FNDC4: variants seen among roughly 807,000 people sequenced by gnomAD.
FNDC4 encodes fibronectin type III domain-containing protein 4.
FNDC4 carries 11 observed loss-of-function variants against 25.1 expected under a neutral mutation model. The observed-to-expected ratio is 0.44, with a 90% CI of 0.28 to 0.73. FNDC4 has a LOEUF of 0.73. Among genes scored for constraint, FNDC4 ranks in the 30% least tolerant of loss-of-function variants. FNDC4 has a pLI of 0.16. For synonymous variants in FNDC4, 136 were observed against 118.8 expected, an observed-to-expected ratio of 1.14 and a Z score of -0.94; for missense variants, 250 against 304.3, an observed-to-expected ratio of 0.82 and a Z score of 1.33.
rs1669352806 is a variant in FNDC4 at position 27,495,013 on chromosome 2, G to A, written c.-160C>T. 5.7e-6 allele frequency: 1 copy of A among 175,790 alleles called. No individual in the cohort carries two copies. The highest frequency in any genetic ancestry group is 1.2e-5 in the Non-Finnish European group (1 of 84,426). The allele number at this position is 175,790 out of a possible 1,614,324, so 10.9% of individuals were successfully genotyped here. ...GGCGACGCGGGCAGCGCGGGGCCGA[G>A]CTGCGGGCGGAGCGGGCGCGGGTCT... On this transcript the variant is annotated 5_prime_UTR_variant, in exon 1 of 7. Coordinates refer to ENST00000264703, the MANE Select transcript of FNDC4 (RefSeq NM_022823.3).
chr2:27,492,661 A>C lies in FNDC4; in HGVS notation c.669+5T>G. The C allele has an allele frequency of 6.2e-7, 1 of 1,613,584 alleles. No individual in the cohort carries two copies. The highest frequency in any genetic ancestry group is 8.5e-7 in the Non-Finnish European group (1 of 1,179,904). ...CCTTTCCGCCCTCACTGGCCCCCAC[A>C]TCACCTGTCTTGTCCCCACTGGCCT... On this transcript the variant is annotated splice_donor_5th_base_variant and intron_variant, in intron 6 of 6. Coordinates refer to ENST00000264703, the MANE Select transcript of FNDC4 (RefSeq NM_022823.3). The surrounding 1 kb of genome is among the most constrained non-coding windows in gnomAD (Gnocchi z 4.1).
Position 27,492,260 on chromosome 2 carries a change from G to T in FNDC4, c.*183C>A. 1.4e-6 allele frequency: 1 copy of T among 704,488 alleles called. No individual in the cohort carries two copies. The highest frequency in any genetic ancestry group is 2.5e-6 in the Non-Finnish European group (1 of 401,394). The allele number at this position is 704,488 out of a possible 1,614,324, so 43.6% of individuals were successfully genotyped here. A position where few individuals can be genotyped will look rare whatever the true frequency, so the allele number is the denominator to read the frequency against. The stretch of plus-strand genomic sequence containing the variant: ...TCCACTCCCCAGGTCCAGGGGCACA[G>T]ACTCTGAACAGACCTACCTTCTGGC... On this transcript the variant is annotated 3_prime_UTR_variant, in exon 7 of 7. Transcript: ENST00000264703. This position sits in a 1 kb window ranked among gnomAD's most constrained non-coding sequence, Gnocchi z 4.1.
chr2:27,493,480 TGAGAAGG>T lies in FNDC4; in HGVS notation c.455-9_455-3del. The T allele has an allele frequency of 1.2e-6, 2 of 1,611,350 alleles. No homozygotes were observed. The highest frequency in any genetic ancestry group is 1.1e-5 in the South Asian group (1 of 91,020). On this transcript the variant is annotated splice_region_variant and splice_polypyrimidine_tract_variant and intron_variant, in intron 4 of 6. Coordinates refer to ENST00000264703, the MANE Select transcript of FNDC4 (RefSeq NM_022823.3). ...CCAGACCTTCCACTGTGATGTCACC[TGAGAAGG>T]GAGAAGGCAGAAGGCAGACTCCAGG...
In FNDC4 at chr2:27,492,353, G is replaced by T. The variant is rs1445359954; in HGVS notation, c.*90C>A. On this transcript the variant is annotated 3_prime_UTR_variant, in exon 7 of 7. Transcript: ENST00000264703. The surrounding 1 kb of genome is among the most constrained non-coding windows in gnomAD (Gnocchi z 4.1). ...GTGGGAGTGGCATTACCCTCTGGGA[G>T]TCTCGGGCAGATCACCATCTTGGGC... The T allele has an allele frequency of 6.0e-6, 9 of 1,500,156 alleles. No homozygotes were observed. The highest frequency in any genetic ancestry group is 8.4e-6 in the Non-Finnish European group (9 of 1,076,552). 92.9% of individuals were successfully genotyped at this position (1,500,156 alleles called of 1,614,324 possible).
chr2:27,492,943 C>T lies in FNDC4; in HGVS notation c.545-153G>A, dbSNP rs990925997. 6.6e-6 allele frequency among the ~76,000 whole-genome samples: 1 copy of T among 151,618 alleles called. No homozygotes were observed. Among genetic ancestry groups the T allele is most frequent in the Admixed American group, 6.6e-5 (1 of 15,214 alleles). On this transcript the variant is annotated intron_variant, in intron 5 of 6. Coordinates refer to ENST00000264703, the MANE Select transcript of FNDC4 (RefSeq NM_022823.3). This position sits in a 1 kb window ranked among gnomAD's most constrained non-coding sequence, Gnocchi z 4.1. The stretch of plus-strand genomic sequence containing the variant: ...GCTCTCAACAGCCTCCTCTCCCTCT[C>T]TTCAAAGTTCAAATCATCCCTCCTG...
In FNDC4 at chr2:27,494,653, G is replaced by A; in HGVS notation, c.27C>T (p.Pro9=). 6.3e-7 allele frequency: 1 copy of A among 1,582,272 alleles called. No homozygotes were observed. Residue 9 remains proline, a synonymous_variant, in exon 2 of 7, where the codon CCC becomes CCT. Coordinates refer to ENST00000264703, the MANE Select transcript of FNDC4 (RefSeq NM_022823.3). This position sits in a 1 kb window ranked among gnomAD's most constrained non-coding sequence, Gnocchi z 4.6. ...CCATGTCCCCACGGAGTCCGCTGGG[G>A]GGGGAACTGTGGCATCCGCTTGGCA... MPSGCHSS[P]PSGLRGDMAS...
rs752898033 is a variant in FNDC4, at chr2:27,494,111, A to C, written c.273T>G (p.Arg91=). 8.1e-6 allele frequency: 13 copies of C among 1,613,828 alleles called. No homozygotes were observed. The East Asian group carries it at 2.7e-4, about 33-fold the overall frequency. ...TGGTGGTGTTCACCTCCCGAATCAC[A>C]CGCTGCCCGGGGCCATTCTGCCGCT... The part of the protein sequence containing the change: ...SQQRQNGPGQ[R]VIREVNTTTR... The change falls in exon 4 of 7, where the codon CGT becomes CGG. Residue 91 remains arginine, a synonymous_variant. Transcript: ENST00000264703. The surrounding 1 kb of genome is among the most constrained non-coding windows in gnomAD (Gnocchi z 4.6).
Position 27,494,452 on chromosome 2 carries a change from G to A in FNDC4, c.148C>T (p.Pro50Ser). 8 of 1,614,192 alleles carry A rather than the reference G, an allele frequency of 5.0e-6. No homozygotes were observed. Among genetic ancestry groups the A allele is most frequent in the Non-Finnish European group, 6.8e-6 (8 of 1,180,012 alleles). The change falls in exon 3 of 7, where the codon CCT (proline) becomes TCT (serine). Residue 50 changes from proline (P) to serine (S), a missense_variant. Pro to Ser is a moderately conservative substitution (Grantham distance 74, BLOSUM62 -1). Transcript: ENST00000264703. This position sits in a 1 kb window ranked among gnomAD's most constrained non-coding sequence, Gnocchi z 4.6. ...GFVRADRPPS[P>S]VNVTVTHLRA... ...AGGTGAGTGACCGTCACATTCACAG[G>A]AGAGGGAGGCCGGTCTGCGGGAGCC... is the stretch of plus-strand genomic sequence containing the variant.
Position 27,492,100 on chromosome 2 carries a change from A to C in FNDC4, c.*343T>G. 2.8e-6 allele frequency: 1 copy of C among 354,454 alleles called. No individual in the cohort carries two copies. The allele number at this position is 354,454 out of a possible 1,614,324, so 22.0% of individuals were successfully genotyped here. ...CACCCCTCTCTGAGGGCCAGAGGCAAGATGTGGGGCAGCTGGGGATGCTCA... is the reference window on the plus strand; with the variant it reads ...CACCCCTCTCTGAGGGCCAGAGGCACGATGTGGGGCAGCTGGGGATGCTCA... On this transcript the variant is annotated 3_prime_UTR_variant, in exon 7 of 7. Transcript: ENST00000264703. This position sits in a 1 kb window ranked among gnomAD's most constrained non-coding sequence, Gnocchi z 4.1.
Position 27,494,687 on chromosome 2 carries a change from A to G in FNDC4, c.-8T>C, listed in dbSNP as rs1420107168. 6 of 1,532,944 alleles carry G rather than the reference A, an allele frequency of 3.9e-6. No homozygotes were observed. Among genetic ancestry groups the G allele is most frequent in the South Asian group, 1.2e-5 (1 of 81,306 alleles). 95.0% of individuals were successfully genotyped at this position (1,532,944 alleles called of 1,614,324 possible). On this transcript the variant is annotated 5_prime_UTR_variant, in exon 2 of 7. Transcript: ENST00000264703. This position sits in a 1 kb window ranked among gnomAD's most constrained non-coding sequence, Gnocchi z 4.6. The stretch of plus-strand genomic sequence containing the variant: ...GTGGCATCCGCTTGGCATCCGCTTG[A>G]CATCCAGGCGGGGCTCCTGGAGATG...
chr2:27,493,257 C>T, intron 5 of FNDC4, 132 bp downstream of exon 5: 1 of 703,040 alleles, frequency 1.4e-6, no homozygotes, highest in Non-Finnish European at 2.6e-6. Context: ...GGTGATCTGC[C>T]TGCCTTGGCC....
rs977404563 is a variant in FNDC4, at chr2:27,494,277, T to TC, written c.249+73dup. ...GAGCCAGGATACGCCAGCTTCCAGA[T>TC]CCCCCCCACTTAAGTGAAGAAATGT... On this transcript the variant is annotated intron_variant, in intron 3 of 6. Coordinates refer to ENST00000264703, the MANE Select transcript of FNDC4 (RefSeq NM_022823.3). The surrounding 1 kb of genome is among the most constrained non-coding windows in gnomAD (Gnocchi z 4.6). The TC allele has an allele frequency of 4.9e-5, 70 of 1,432,404 alleles. No individual in the cohort carries two copies. The highest frequency in any genetic ancestry group is 1.3e-4 in the South Asian group (11 of 85,334). The allele number at this position is 1,432,404 out of a possible 1,614,324, so 88.7% of individuals were successfully genotyped here.
At position 27,493,399 on chromosome 2, in the gene FNDC4, G is replaced by A. The variant is rs374605271; in HGVS notation, c.534C>T (p.Leu178=). 1.2e-6 allele frequency: 2 copies of A among 1,613,620 alleles called. No individual in the cohort carries two copies. Among genetic ancestry groups the A allele is most frequent in the South Asian group, 2.2e-5 (2 of 91,054 alleles). The change falls in exon 5 of 7, where the codon CTC becomes CTT. Residue 178 remains leucine, a synonymous_variant. Coordinates refer to ENST00000264703, the MANE Select transcript of FNDC4 (RefSeq NM_022823.3). The stretch of plus-strand genomic sequence containing the variant: ...TAGCTGCTTACTCACCAGCCCACAT[G>A]AGCAACACCACCACAATGATGACCA... ...GEVVIIVVVL[L]MWAAVIGLFC... is the part of the protein sequence containing the mutation.
In FNDC4 at chr2:27,494,190, G is replaced by T; in HGVS notation, c.250-56C>A. On this transcript the variant is annotated intron_variant, in intron 3 of 6. Coordinates refer to ENST00000264703, the MANE Select transcript of FNDC4 (RefSeq NM_022823.3). This position sits in a 1 kb window ranked among gnomAD's most constrained non-coding sequence, Gnocchi z 4.6. ...CCTCACCCCAGTGCCAGGCCACAAG[G>T]CTCAACCAGAGACTCTTCAACATCC... is the stretch of plus-strand genomic sequence containing the variant. The T allele has an allele frequency of 3.9e-6, 6 of 1,550,426 alleles. No individual in the cohort carries two copies. Among genetic ancestry groups the T allele is most frequent in the Non-Finnish European group, 5.3e-6 (6 of 1,130,452 alleles).
Position 27,493,934 on chromosome 2 carries a change from G to C in FNDC4, c.450C>G (p.Ser150Arg). 1 of 1,614,126 alleles carries C rather than the reference G, an allele frequency of 6.2e-7. No individual in the cohort carries two copies. Among genetic ancestry groups the C allele is most frequent in the Non-Finnish European group, 8.5e-7 (1 of 1,179,916 alleles). ...GSDRLPSNSS[S>R]PGDITVEGLD... ...TCCAATAGCACAGATCCTCACCTGG[G>C]CTTGAACTGTTTGAAGGTAGCCGGT... Residue 150 changes from serine (S) to arginine (R), a missense_variant, in exon 4 of 7, where the codon AGC (serine) becomes AGG (arginine). Coordinates refer to ENST00000264703, the MANE Select transcript of FNDC4 (RefSeq NM_022823.3).
chr2:27,493,870 G>A (rs1669316368), intron 4 of FNDC4, 60 bp downstream of exon 4: 17 of 1,466,630 alleles, frequency 1.2e-5, no homozygotes, highest in Non-Finnish European at 1.4e-5. Flanking sequence ...TCTTGGGGAA[G>A]TAAGTAAGAG....
rs1317508281 is a variant in FNDC4 at position 27,495,165 on chromosome 2, T to G, written c.-312A>C. On this transcript the variant is annotated 5_prime_UTR_variant, in exon 1 of 7. Transcript: ENST00000264703. ...GCCTCCGCCCGCCCCTGCAGCGGGATGTGACCGTCCCGGAGAGCCAGCCGC... is the reference window on the plus strand; with the variant it reads ...GCCTCCGCCCGCCCCTGCAGCGGGAGGTGACCGTCCCGGAGAGCCAGCCGC... 1 of 151,622 alleles carries G rather than the reference T, an allele frequency of 6.6e-6. No homozygotes were observed. Among genetic ancestry groups the G allele is most frequent in the Non-Finnish European group, 1.5e-5 (1 of 67,900 alleles). 9.4% of individuals were successfully genotyped at this position (151,622 alleles called of 1,614,324 possible). A position where few individuals can be genotyped will look rare whatever the true frequency, so the allele number is the denominator to read the frequency against.
In FNDC4 at chr2:27,494,509, G is replaced by C; in HGVS notation, c.133+38C>G. 1 of 1,613,010 alleles carries C rather than the reference G, an allele frequency of 6.2e-7. No homozygotes were observed. ...TTTAACAGGTTTCACCCATTGACTA[G>C]CTGTGGTTGACCCTCAGCCCCGTTC... On this transcript the variant is annotated intron_variant, in intron 2 of 6. Coordinates refer to ENST00000264703, the MANE Select transcript of FNDC4 (RefSeq NM_022823.3). The surrounding 1 kb of genome is among the most constrained non-coding windows in gnomAD (Gnocchi z 4.6).
In FNDC4 at chr2:27,492,333, A is replaced by C; in HGVS notation, c.*110T>G. On this transcript the variant is annotated 3_prime_UTR_variant, in exon 7 of 7. Transcript: ENST00000264703. This position sits in a 1 kb window ranked among gnomAD's most constrained non-coding sequence, Gnocchi z 4.1. ...TGGGTACCAGGCCTGAGATTGTGGGAGTGGCATTACCCTCTGGGAGTCTCG... is the reference window on the plus strand; with the variant it reads ...TGGGTACCAGGCCTGAGATTGTGGGCGTGGCATTACCCTCTGGGAGTCTCG... The C allele has an allele frequency of 7.6e-7, 1 of 1,307,326 alleles. No individual in the cohort carries two copies. The highest frequency in any genetic ancestry group is 1.1e-6 in the Non-Finnish European group (1 of 902,004). 81.0% of individuals were successfully genotyped at this position (1,307,326 alleles called of 1,614,324 possible). A position where few individuals can be genotyped will look rare whatever the true frequency, so the allele number is the denominator to read the frequency against.
Sources: allele counts gnomAD v4.1 joint callset (sites outside exome capture counted in the v4.1 genomes callset), GRCh38; gene constraint gnomAD v4.1.1; non-coding constraint Gnocchi (gnomAD v3.1); transcripts MANE v1.5; gene names NCBI Gene and HGNC (gene_info 2026-07-23, HGNC 2026-07-21).